Variants in MGST1 observed in about 807,000 individuals in gnomAD.
MGST1 encodes glutathione S-transferase 12.
A neutral mutation model predicts 8.9 loss-of-function variants in MGST1; 5 were observed. That is an observed-to-expected ratio of 0.56 (90% CI 0.29 to 1.19). The LOEUF (loss-of-function observed/expected upper bound fraction) is 1.19. Ranked by LOEUF, MGST1 falls within the 50% of genes most tolerant of loss-of-function variation. The pLI is 0.08. For synonymous variants in MGST1, 54 were observed against 67.8 expected (o/e 0.80, Z 1.00); for missense variants, 182 against 187.4 (o/e 0.97, Z 0.17).
chr12:16,538,538 A>G (rs541101785), intron 4 of MGST1, among the ~76,000 whole-genome samples: 2 of 152,176 alleles, frequency 1.3e-5, no homozygotes, highest in East Asian at 3.9e-4. Flanking sequence ...AGAAAAAGAC[A>G]TTTAATTGGA....
rs768593999 is a variant in MGST1 at position 16,585,733 on chromosome 12, A to ATATG, written n.483-3794_483-3791dup. Among the ~76,000 whole-genome samples, 2 of 152,216 alleles carry ATATG rather than the reference A, an allele frequency of 1.3e-5. No homozygotes were observed. The highest frequency in any genetic ancestry group is 2.9e-5 in the Non-Finnish European group (2 of 68,038). ...TCCAAATATAATAATAGAAAGGAAAATATGGGTGAGAAATTACAAAAGGCT... is the reference window on the plus strand; with the variant it reads ...TCCAAATATAATAATAGAAAGGAAAATATGTATGGGTGAGAAATTACAAAAGGCT... On this transcript the variant is annotated intron_variant and non_coding_transcript_variant, in intron 4 of 4. Coordinates refer to the MGST1 transcript ENST00000538857. This position sits in a 1 kb window ranked among gnomAD's most constrained non-coding sequence, Gnocchi z 4.7.
chr12:16,429,589 A>G (rs901110099), intron 1 of MGST1, among the ~76,000 whole-genome samples: 2 of 152,166 alleles, frequency 1.3e-5, no homozygotes, highest in African/African-American at 4.8e-5. Context: ...AAATATCTCA[A>G]TTAAGTGAGT....
chr12:16,446,731 C>A (rs1336601159), intron 4 of MGST1, among the ~76,000 whole-genome samples: 1 of 151,852 alleles, frequency 6.6e-6, no homozygotes, highest in East Asian at 2.0e-4. Flanking sequence ...ACATCCCCTC[C>A]TGTCAAGCCC....
chr12:16,360,131 A>G (rs1461866282), intron 3 of MGST1, among the ~76,000 whole-genome samples: 1 of 152,178 alleles, frequency 6.6e-6, no homozygotes, highest in East Asian at 1.9e-4. Flanking sequence ...AGCGTCTCCA[A>G]CAGAGCGGAG....
chr12:16,479,680 C>T (rs931380512), intron 4 of MGST1, among the ~76,000 whole-genome samples: 1 of 151,868 alleles, frequency 6.6e-6, no homozygotes, highest in African/African-American at 2.4e-5. Flanking sequence ...ACTACAGGTG[C>T]ATGCCATCGT....
At chr12:16,396,375 C>T (rs1940605194) in intron 1 of MGST1, among the ~76,000 whole-genome samples, 1 of 152,064 alleles carries the variant, frequency 6.6e-6, no homozygotes, top group African/African-American at 2.4e-5. Flanking sequence ...AGAACTGGAA[C>T]AAGTCAAAGA....
At chr12:16,588,466 A>G (rs1451509670) in intron 4 of MGST1, among the ~76,000 whole-genome samples, 1 of 152,104 alleles carries the variant, frequency 6.6e-6, no homozygotes, top group Non-Finnish European at 1.5e-5. Context: ...AATATTAAAT[A>G]TAATGCTTTA....
chr12:16,420,559 G>A (rs770255693), intron 1 of MGST1, among the ~76,000 whole-genome samples: 1 of 152,176 alleles, frequency 6.6e-6, no homozygotes, highest in African/African-American at 2.4e-5. Flanking sequence ...AGTGAAGGGA[G>A]GAGAAAGGGT....
chr12:16,490,479 G>T (rs759225586), intron 4 of MGST1, among the ~76,000 whole-genome samples: 1 of 152,158 alleles, frequency 6.6e-6, no homozygotes, highest in African/African-American at 2.4e-5. Flanking sequence ...ACTAATATTT[G>T]CAGGTTGTTT....
At chr12:16,394,076 A>G (rs12227777) in intron 1 of MGST1, among the ~76,000 whole-genome samples, 46,458 of 152,024 alleles carry the variant, frequency 0.31, 7,165 homozygotes, top group South Asian at 0.35. Flanking sequence ...TTCCAATTAC[A>G]CTAGGTAATT....
intron 4 of MGST1, among the ~76,000 whole-genome samples, chr12:16,520,796 C>T (rs1353185727): frequency 1.3e-5 from 2 of 152,086 alleles, no homozygotes; most frequent in African/African-American, 4.8e-5. Flanking sequence ...CAGAAGGAAA[C>T]CATTTGGAAT....
chr12:16,418,214 A>G (rs1418675003), intron 1 of MGST1, among the ~76,000 whole-genome samples: 1 of 152,176 alleles, frequency 6.6e-6, no homozygotes, highest in Non-Finnish European at 1.5e-5. Context: ...TCTTCATTTT[A>G]CTGAAAACTA....
At chr12:16,421,205 AC>A (rs972520499) in intron 1 of MGST1, among the ~76,000 whole-genome samples, 7 of 152,114 alleles carry the variant, frequency 4.6e-5, no homozygotes, top group African/African-American at 1.7e-4. Context: ...GAAGGGAGGT[AC>A]TAAACATATG....
chr12:16,485,140 C>T (rs1255850146), intron 4 of MGST1, among the ~76,000 whole-genome samples: 4 of 152,200 alleles, frequency 2.6e-5, no homozygotes, highest in Non-Finnish European at 4.4e-5. Context: ...ACCCTATCTG[C>T]TCTTGGATTC....
At chr12:16,541,919 AAGTC>A (rs1565472066) in intron 4 of MGST1, among the ~76,000 whole-genome samples, 2 of 152,178 alleles carry the variant, frequency 1.3e-5, no homozygotes, top group African/African-American at 4.8e-5. Flanking sequence ...TAACAAAAGT[AAGTC>A]AGTCATGGTG....
chr12:16,349,062 A>T (rs1939333198), intron 1 of MGST1: 1 of 152,142 alleles, frequency 6.6e-6, no homozygotes, highest in South Asian at 2.1e-4. Context: ...AGCCACCACG[A>T]TGCCTTCAGG....
chr12:16,380,090 C>A (rs1940434750), downstream of MGST1, among the ~76,000 whole-genome samples: 2 of 152,120 alleles, frequency 1.3e-5, no homozygotes, highest in Admixed American at 1.3e-4. Flanking sequence ...TTTCAAAAAA[C>A]CAGCTCCTGG....
chr12:16,352,905 T>A (rs1939532381), intron 1 of MGST1, among the ~76,000 whole-genome samples: 1 of 152,192 alleles, frequency 6.6e-6, no homozygotes, highest in Admixed American at 6.5e-5. Flanking sequence ...TTGATGATGA[T>A]GGTGATCATG....
intron 4 of MGST1, among the ~76,000 whole-genome samples, chr12:16,539,309 A>G (rs1203880521): frequency 6.6e-6 from 1 of 152,196 alleles, no homozygotes; most frequent in Non-Finnish European, 1.5e-5. Context: ...CGATTTTAAC[A>G]GGTTGTCTGA....
Sources: allele counts gnomAD v4.1 joint callset (sites outside exome capture counted in the v4.1 genomes callset), GRCh38; gene constraint gnomAD v4.1.1; non-coding constraint Gnocchi (gnomAD v3.1); transcripts MANE v1.5; gene names NCBI Gene and HGNC (gene_info 2026-07-23, HGNC 2026-07-21).